The following SCGB2B2 variants were observed in gnomAD, a reference collection of about 807,000 sequenced individuals.
SCGB2B2 encodes secretoglobin-like protein.
SCGB2B2 carries 11 observed loss-of-function variants against 7.6 expected under a neutral mutation model. The ratio of observed to expected loss-of-function variants is 1.45; its 90% CI spans 0.91 to 2.40. SCGB2B2 has a LOEUF of 2.40. Ranked by LOEUF, SCGB2B2 falls within the 30% of genes most tolerant of loss-of-function variation. SCGB2B2 has a pLI of 0.00. For synonymous variants in SCGB2B2, 50 were observed against 48.6 expected (o/e 1.03, Z -0.12); for missense variants, 104 against 115.4 (o/e 0.90, Z 0.45).
intron 3 of SCGB2B2, 123 bp downstream of exon 3, chr19:34,594,052 C>A: frequency 2.6e-6 from 2 of 781,106 alleles, no homozygotes; most frequent in Non-Finnish European, 4.2e-6. Context: ...TCTGATTTTG[C>A]GCATCCTGGG....
intron 1 of SCGB2B2, among the ~76,000 whole-genome samples, chr19:34,609,161 C>T (rs1484585548): frequency 6.6e-6 from 1 of 151,848 alleles, no homozygotes; most frequent in Non-Finnish European, 1.5e-5. Flanking sequence ...ATTTATACAT[C>T]AGATTATTTG....
chr19:34,593,708 G>A, intron 3 of SCGB2B2, 109 bp from the exon 4 acceptor site: 2 of 817,902 alleles, frequency 2.4e-6, no homozygotes, highest in Admixed American at 4.6e-5. Context: ...GAGTGTGTCT[G>A]CTTGTTGGGG....
chr19:34,658,862 T>C (rs545594764), intron 1 of SCGB2B2, among the ~76,000 whole-genome samples: 18 of 148,282 alleles, frequency 1.2e-4, no homozygotes, highest in African/African-American at 4.2e-4. Flanking sequence ...CCAATATCCC[T>C]GATGAACATC....
At chr19:34,624,526 G>C (rs981207725) in intron 1 of SCGB2B2, among the ~76,000 whole-genome samples, 4 of 152,120 alleles carry the variant, frequency 2.6e-5, no homozygotes, top group African/African-American at 4.8e-5. Context: ...ATCTCCCCAG[G>C]CTGTAAAAAC....
intron 1 of SCGB2B2, among the ~76,000 whole-genome samples, chr19:34,600,009 C>T (rs1222964129): frequency 2.0e-5 from 3 of 152,060 alleles, no homozygotes; most frequent in Non-Finnish European, 4.4e-5. Flanking sequence ...GCCTCACCTC[C>T]TAGAGTAGAC....
chr19:34,587,306 C>T (rs536657441), downstream of SCGB2B2, among the ~76,000 whole-genome samples: 4 of 152,214 alleles, frequency 2.6e-5, no homozygotes, highest in East Asian at 7.7e-4. Flanking sequence ...TGTCATTACA[C>T]TTTCTTGATT....
chr19:34,588,802 A>C (rs1826461167), downstream of SCGB2B2, among the ~76,000 whole-genome samples: 1 of 152,054 alleles, frequency 6.6e-6, no homozygotes, highest in Non-Finnish European at 1.5e-5. Context: ...GGGGTGACCG[A>C]TGGATGGAGG....
chr19:34,638,321 T>G (rs1337045129), intron 1 of SCGB2B2: 1 of 152,114 alleles, frequency 6.6e-6, no homozygotes, highest in Non-Finnish European at 1.5e-5. Context: ...TGCATGCCTG[T>G]AATCCCAGCT....
chr19:34,593,305 C>T lies in SCGB2B2; in HGVS notation c.*250G>A, dbSNP rs1202586906. On this transcript the variant is annotated 3_prime_UTR_variant, in exon 4 of 4. Transcript: ENST00000601241. ...AATGCACTCCAGCCACCCTCCTCCC[C>T]GCCAAAAAGAAAACAGGCATGTCTA... The T allele has an allele frequency of 1.6e-5, 7 of 424,308 alleles. No homozygotes were observed. The highest frequency in any genetic ancestry group is 3.8e-5 in the Admixed American group (1 of 26,256). The allele number at this position is 424,308 out of a possible 1,614,324, so 26.3% of individuals were successfully genotyped here. A position where few individuals can be genotyped will look rare whatever the true frequency, so the allele number is the denominator to read the frequency against.
chr19:34,628,850 C>T (rs894554694), intron 1 of SCGB2B2, among the ~76,000 whole-genome samples: 7 of 151,930 alleles, frequency 4.6e-5, no homozygotes, highest in Non-Finnish European at 8.8e-5. Flanking sequence ...CGTTGATGAA[C>T]ATCGATGCAA....
At position 34,623,563 on chromosome 19, in the gene SCGB2B2, T is replaced by C. The variant is rs773864944; in HGVS notation, c.-2031-26969A>G. Among the ~76,000 whole-genome samples the C allele has an allele frequency of 4.5e-4, 68 of 152,278 alleles. No homozygotes were observed. In the Middle Eastern group the frequency reaches 0.01, roughly 23 times the overall value. The stretch of plus-strand genomic sequence containing the variant: ...AGGAGCTAGTCAGCAGGAGTAGTCA[T>C]GTTTACCTGTGAGATTCCCTAGCTC... On this transcript the variant is annotated intron_variant, in intron 1 of 3. Transcript: ENST00000601241.
At position 34,676,487 on chromosome 19, in the gene SCGB2B2, AG is replaced by A. The variant is rs1188882818; in HGVS notation, c.-2890del. On this transcript the variant is annotated 5_prime_UTR_variant, in exon 1 of 4. The change abolishes the stop of an existing upstream ORF in the 5' untranslated region. Coordinates refer to ENST00000601241, the MANE Select transcript of SCGB2B2 (RefSeq NM_001025591.4). Reference sequence around the variant, plus strand: ...ACTCATGAATAATCCACCCTTGTTTAGCACATCATCAAGCAATAAATACAAG... The same window carrying A: ...ACTCATGAATAATCCACCCTTGTTTACACATCATCAAGCAATAAATACAAG... 6.6e-6 allele frequency: 1 copy of A among 152,166 alleles called. No homozygotes were observed. The highest frequency in any genetic ancestry group is 2.4e-5 in the African/African-American group (1 of 41,438). The allele number at this position is 152,166 out of a possible 1,614,324, so 9.4% of individuals were successfully genotyped here. A position where few individuals can be genotyped will look rare whatever the true frequency, so the allele number is the denominator to read the frequency against.
At chr19:34,631,112 T>TGGGGGGGGGGGG (rs1475533726) in intron 1 of SCGB2B2, among the ~76,000 whole-genome samples, 1 of 89,078 alleles carries the variant, frequency 1.1e-5, no homozygotes, top group African/African-American at 4.5e-5. Context: ...CGGGGCCTGT[T>TGGGGGGGGGGGG]GTGGGGTGGG....
intron 1 of SCGB2B2, among the ~76,000 whole-genome samples, chr19:34,630,072 G>A (rs1433092311): frequency 2.6e-5 from 4 of 151,948 alleles, no homozygotes; most frequent in South Asian, 2.1e-4. Flanking sequence ...GTAGAAAGCT[G>A]AAACTGGATC....
chr19:34,669,714 T>TACACACACACACACACACACATACACAC, intron 1 of SCGB2B2, among the ~76,000 whole-genome samples: 1 of 139,580 alleles, frequency 7.2e-6, no homozygotes, highest in Non-Finnish European at 1.5e-5. Flanking sequence ...TGCCCCCACT[T>TACACACACACACACACACACATACACAC]ACACACACAC....
chr19:34,629,112 A>G (rs1046206867), intron 1 of SCGB2B2, among the ~76,000 whole-genome samples: 2 of 152,004 alleles, frequency 1.3e-5, no homozygotes, highest in African/African-American at 4.8e-5. Context: ...TATTGATGGG[A>G]TGTATCTCAA....
In SCGB2B2 at chr19:34,629,949, A is replaced by C. The variant is rs1172937263; in HGVS notation, c.-2031-33355T>G. ...AATGGAACATAACAGAACCCTCAGA[A>C]ATAATGCTGCATATCTACAACTATC... On this transcript the variant is annotated intron_variant, in intron 1 of 3. Coordinates refer to ENST00000601241, the MANE Select transcript of SCGB2B2 (RefSeq NM_001025591.4). Among the ~76,000 whole-genome samples, 4 of 152,114 alleles carry C rather than the reference A, an allele frequency of 2.6e-5. No individual in the cohort carries two copies. The East Asian group carries it at 7.7e-4, about 29-fold the overall frequency.
intron 1 of SCGB2B2, among the ~76,000 whole-genome samples, chr19:34,674,753 T>C (rs1177468948): frequency 4.6e-5 from 7 of 152,072 alleles, no homozygotes; most frequent in Admixed American, 2.6e-4. Flanking sequence ...AGATGACACA[T>C]CACAGATTCA....
Position 34,595,179 on chromosome 19 carries a change from C to A in SCGB2B2, c.-616G>T, listed in dbSNP as rs73596646. Reference sequence around the variant, plus strand: ...AGGGATCCTACATGTTGGGGACCAGCCTCAACACTACCCGTAGGGTACCCG... The same window carrying A: ...AGGGATCCTACATGTTGGGGACCAGACTCAACACTACCCGTAGGGTACCCG... On this transcript the variant is annotated 5_prime_UTR_variant, in exon 2 of 4. Transcript: ENST00000601241. The A allele has an allele frequency of 0.027, 4,111 of 152,818 alleles. 157 individuals carry two copies. Among genetic ancestry groups the A allele is most frequent in the South Asian group, 0.097 (468 of 4,834 alleles). The allele number at this position is 152,818 out of a possible 1,614,324, so 9.5% of individuals were successfully genotyped here.
Sources: allele counts gnomAD v4.1 joint callset (sites outside exome capture counted in the v4.1 genomes callset), GRCh38; gene constraint gnomAD v4.1.1; transcripts MANE v1.5; gene names NCBI Gene and HGNC (gene_info 2026-07-23, HGNC 2026-07-21).